Variants in FOXP1 observed in about 807,000 individuals in gnomAD.
The protein encoded by FOXP1 is forkhead box protein P1.
Under a neutral mutation model 98.2 loss-of-function variants are expected in FOXP1, and 15 were observed. The observed-to-expected ratio is 0.15, with a 90% CI of 0.10 to 0.24. The LOEUF (loss-of-function observed/expected upper bound fraction) is 0.24, where lower values mean the gene tolerates loss of function less well. Ranked by LOEUF, FOXP1 falls within the 10% of genes least tolerant of loss-of-function variation. FOXP1 has a pLI of 1.00. For synonymous variants in FOXP1, 371 were observed against 314.5 expected, an observed-to-expected ratio of 1.18 and a Z score of -1.90; for missense variants, 633 against 848.5, an observed-to-expected ratio of 0.75 and a Z score of 3.15.
intron 6 of FOXP1, among the ~76,000 whole-genome samples, chr3:71,126,635 G>A (rs927920190): frequency 2.0e-5 from 3 of 152,000 alleles, no homozygotes; most frequent in East Asian, 1.9e-4. Context: ...ACCAGCCCAG[G>A]CAACATGGCA....
intron 3 of FOXP1, among the ~76,000 whole-genome samples, chr3:71,434,849 C>T (rs1292136649): frequency 6.6e-6 from 1 of 152,082 alleles, no homozygotes; most frequent in Non-Finnish European, 1.5e-5. Context: ...CATGCCTGCA[C>T]ACACACAAAT....
In FOXP1 at chr3:71,287,805, A is replaced by G. The variant is rs115602087; in HGVS notation, c.-12+12015T>C. ...AAAAAATAAAAATAAAATAAAAACA[A>G]TAACATTAGGATTTAGTTACAATGT... On this transcript the variant is annotated intron_variant, in intron 5 of 20. Coordinates refer to ENST00000649528, the MANE Select transcript of FOXP1 (RefSeq NM_001349338.3). Among the ~76,000 whole-genome samples, 1,396 of 152,248 alleles carry G rather than the reference A, an allele frequency of 9.2e-3. 23 individuals carry two copies. The highest frequency in any genetic ancestry group is 0.032 in the African/African-American group (1,338 of 41,548).
At chr3:71,153,862 G>A (rs577236189) in intron 6 of FOXP1, among the ~76,000 whole-genome samples, 124 of 152,202 alleles carry the variant, frequency 8.1e-4, no homozygotes, top group Non-Finnish European at 1.6e-3. Context: ...CTTTCTAAAG[G>A]TGTGTTTTCA....
At chr3:71,457,383 AC>A (rs2087607271) in intron 3 of FOXP1, among the ~76,000 whole-genome samples, 1 of 152,182 alleles carries the variant, frequency 6.6e-6, no homozygotes, top group Non-Finnish European at 1.5e-5. Flanking sequence ...ATTAGCATGG[AC>A]CATTTTTCAT....
chr3:71,475,585 G>C (rs2089755578), intron 3 of FOXP1, among the ~76,000 whole-genome samples: 1 of 152,180 alleles, frequency 6.6e-6, no homozygotes, highest in Admixed American at 6.5e-5. Context: ...ACTCACGCCT[G>C]TAATCCCAGC....
At chr3:71,210,958 T>C (rs1020503542) in intron 5 of FOXP1, 3 of 152,172 alleles carry the variant, frequency 2.0e-5, no homozygotes, top group African/African-American at 4.8e-5. Flanking sequence ...ATAAACATAG[T>C]TGACAATTCT....
At chr3:71,291,102 T>C (rs2072707221) in intron 5 of FOXP1, among the ~76,000 whole-genome samples, 1 of 152,282 alleles carries the variant, frequency 6.6e-6, no homozygotes. Context: ...CTCTACAGTA[T>C]CTATCACCAC....
intron 3 of FOXP1, among the ~76,000 whole-genome samples, chr3:71,367,117 T>C (rs1023926301): frequency 6.6e-6 from 1 of 152,194 alleles, no homozygotes; most frequent in African/African-American, 2.4e-5. Flanking sequence ...CCAAATGCAC[T>C]GCCTGCTTTG....
At chr3:71,175,672 T>C (rs1355770708) in intron 6 of FOXP1, among the ~76,000 whole-genome samples, 3 of 152,198 alleles carry the variant, frequency 2.0e-5, no homozygotes, top group Admixed American at 6.5e-5. Context: ...ATCAGCTGAC[T>C]TCATAAAATA....
intron 2 of FOXP1, among the ~76,000 whole-genome samples, chr3:71,508,027 A>C (rs1467760452): frequency 6.6e-6 from 1 of 152,266 alleles, no homozygotes; most frequent in African/African-American, 2.4e-5. Context: ...GGGAAATAAA[A>C]TAACTTGTCC....
At chr3:71,204,591 G>C (rs1237859210) in intron 5 of FOXP1, among the ~76,000 whole-genome samples, 1 of 152,152 alleles carries the variant, frequency 6.6e-6, no homozygotes, top group African/African-American at 2.4e-5. Context: ...CCCGTCACCT[G>C]GCGAGATGCT....
chr3:71,390,851 G>GCC (rs555134496), intron 3 of FOXP1, among the ~76,000 whole-genome samples: 11 of 152,224 alleles, frequency 7.2e-5, no homozygotes, highest in Admixed American at 2.0e-4. Flanking sequence ...GAAGAGATGA[G>GCC]CCCCCCATCT....
intron 7 of FOXP1, among the ~76,000 whole-genome samples, chr3:71,083,585 T>A (rs1379574459): frequency 6.6e-6 from 1 of 152,136 alleles, no homozygotes; most frequent in East Asian, 1.9e-4. Context: ...CAAGAGATAC[T>A]CTCTTTCTGA....
intron 5 of FOXP1, 40 bp from the exon 6 acceptor site, chr3:71,198,432 G>GGGCCCCCCCCC: frequency 2.0e-6 from 1 of 491,032 alleles, no homozygotes; most frequent in Non-Finnish European, 4.0e-6. Context: ...GGGAGGGGGG[G>GGGCCCCCCCCC]AGAAAAAAAA....
intron 7 of FOXP1, among the ~76,000 whole-genome samples, chr3:71,081,381 T>C (rs2107524187): frequency 6.6e-6 from 1 of 152,260 alleles, no homozygotes; most frequent in Middle Eastern, 3.4e-3. Flanking sequence ...GGAATAGATT[T>C]AGCGATCATC....
chr3:71,555,675 TC>T (rs2046073666), intron 2 of FOXP1, among the ~76,000 whole-genome samples: 1 of 152,148 alleles, frequency 6.6e-6, no homozygotes, highest in African/African-American at 2.4e-5. Flanking sequence ...TGTTCCAGGG[TC>T]CATGCATATA....
At chr3:71,119,461 A>G (rs537870234) in intron 6 of FOXP1, among the ~76,000 whole-genome samples, 4 of 152,240 alleles carry the variant, frequency 2.6e-5, no homozygotes, top group Admixed American at 2.0e-4. Context: ...AATTTCATGG[A>G]CTAATCAACA....
At chr3:71,395,920 C>T (rs546040073) in intron 3 of FOXP1, among the ~76,000 whole-genome samples, 3 of 152,064 alleles carry the variant, frequency 2.0e-5, no homozygotes, top group Non-Finnish European at 4.4e-5. Flanking sequence ...ATTATAAATG[C>T]TCTGCAGAAA....
At chr3:71,374,756 T>A (rs1462947498) in intron 3 of FOXP1, among the ~76,000 whole-genome samples, 1 of 152,204 alleles carries the variant, frequency 6.6e-6, no homozygotes, top group Non-Finnish European at 1.5e-5. Context: ...AGTAGCATTG[T>A]CTACTTGCCA....
Sources: gnomAD v4.1 joint callset for allele counts (sites outside exome capture counted in the v4.1 genomes callset) on GRCh38, gnomAD v4.1.1 for gene constraint, MANE v1.5 for transcripts, NCBI Gene and HGNC (gene_info 2026-07-23, HGNC 2026-07-21) for gene names.